The following MGAM variants were observed in gnomAD, a reference collection of about 807,000 sequenced individuals.
MGAM encodes the protein maltase-glucoamylase.
Under a neutral mutation model 358.8 loss-of-function variants are expected in MGAM, and 253 were observed. The observed-to-expected ratio is 0.71, with a 90% CI of 0.64 to 0.78. The LOEUF is 0.78. Among genes scored for constraint, MGAM ranks in the 30% least tolerant of loss-of-function variants. The probability of loss-of-function intolerance (pLI) is 0.00; values close to 1 mark genes in which losing one functional copy is unlikely to be tolerated. For synonymous variants in MGAM, 1,105 were observed against 1,227.1 expected (o/e 0.90, Z 2.08); for missense variants, 3,080 against 3,432.6 (o/e 0.90, Z 2.57).
intron 44 of MGAM, among the ~76,000 whole-genome samples, chr7:142,073,211 G>T (rs1813481595): frequency 6.8e-6 from 1 of 146,094 alleles, no homozygotes; most frequent in African/African-American, 2.4e-5. Context: ...CAGGTCAGGG[G>T]TTGTGATTTA....
chr7:142,094,943 T>A, intron 63 of MGAM, 80 bp downstream of exon 63: 2 of 1,421,808 alleles, frequency 1.4e-6, no homozygotes, highest in Non-Finnish European at 1.9e-6. Context: ...GCAGTCTGTA[T>A]TTCCTGTGAT....
intron 1 of MGAM, 64 bp downstream of exon 1, chr7:141,995,994 T>A (rs1804196460): frequency 6.6e-6 from 1 of 152,158 alleles, no homozygotes; most frequent in South Asian, 2.1e-4. Context: ...GTGTGTGAAT[T>A]TGAGTTGATC....
chr7:142,009,690 C>T (rs1805452303), intron 3 of MGAM, among the ~76,000 whole-genome samples: 1 of 152,142 alleles, frequency 6.6e-6, no homozygotes, highest in African/African-American at 2.4e-5. Flanking sequence ...TGAATTACTC[C>T]ACGGCCTTGG....
At chr7:142,040,957 C>G (rs193206215) in intron 21 of MGAM, 111 bp downstream of exon 21, 40 of 1,319,010 alleles carry the variant, frequency 3.0e-5, no homozygotes, top group African/African-American at 6.1e-5. Flanking sequence ...GGTTTGGCCA[C>G]GACTGTTGCA....
chr7:142,076,155 T>C lies in MGAM; in HGVS notation c.5276-48T>C. On this transcript the variant is annotated intron_variant, in intron 45 of 70. Coordinates refer to ENST00000475668, the MANE Select transcript of MGAM (RefSeq NM_001365693.1). ...AGAGTGGGAGTGTGAAATCTGTTCT[T>C]CTGTGGTGGGCAAGCCGGAGTCTGA... 5.7e-6 allele frequency: 8 copies of C among 1,404,638 alleles called. 1 individual carries two copies. The highest frequency in any genetic ancestry group is 7.0e-6 in the Non-Finnish European group (7 of 996,508). 87.0% of individuals were successfully genotyped at this position (1,404,638 alleles called of 1,614,324 possible). A position where few individuals can be genotyped will look rare whatever the true frequency, so the allele number is the denominator to read the frequency against.
intron 20 of MGAM, 121 bp from the exon 21 acceptor site, chr7:142,040,601 G>C: frequency 7.7e-7 from 1 of 1,294,542 alleles, no homozygotes; most frequent in Non-Finnish European, 1.1e-6. Context: ...TGATTGCCTG[G>C]CTAGACCATA....
chr7:142,046,481 C>T (rs987157275), intron 21 of MGAM, among the ~76,000 whole-genome samples: 1 of 152,036 alleles, frequency 6.6e-6, no homozygotes, highest in Non-Finnish European at 1.5e-5. Flanking sequence ...TAGCTTCCTT[C>T]AAGGATCTCA....
intron 6 of MGAM, 113 bp from the exon 7 acceptor site, chr7:142,022,155 C>A: frequency 1.0e-6 from 1 of 1,000,092 alleles, no homozygotes; most frequent in Non-Finnish European, 1.5e-6. Flanking sequence ...GCAAATGGGA[C>A]TGAATGAATG....
intron 8 of MGAM, among the ~76,000 whole-genome samples, chr7:142,026,110 A>T (rs539968256): frequency 1.3e-5 from 2 of 152,334 alleles, no homozygotes; most frequent in African/African-American, 4.8e-5. Flanking sequence ...GAGGCATTTT[A>T]TTCCTAGATA....
chr7:142,105,865 T>G lies in MGAM; in HGVS notation c.8236T>G (p.Ser2746Ala). ...AAACATCAGCCTACATAATTTTACTTCATTGACGTGGATAAGCACTCTGTG... is the reference window on the plus strand; with the variant it reads ...AAACATCAGCCTACATAATTTTACTGCATTGACGTGGATAAGCACTCTGTG... ...DRNISLHNFT[S>A]LTWISTL is the part of the protein sequence containing the mutation. The change falls in exon 71 of 71, where the codon TCA (serine) becomes GCA (alanine). Residue 2746 changes from serine (S) to alanine (A), a missense_variant. This residue lies in a region of MGAM where 194 missense variants were observed against 172.8 expected (regional missense o/e 1.12). Coordinates refer to ENST00000475668, the MANE Select transcript of MGAM (RefSeq NM_001365693.1). The G allele has an allele frequency of 6.2e-7, 1 of 1,613,118 alleles. No individual in the cohort carries two copies. The highest frequency in any genetic ancestry group is 1.1e-5 in the South Asian group (1 of 91,046).
chr7:142,082,931 G>A (rs10275642), intron 52 of MGAM, among the ~76,000 whole-genome samples: 28,579 of 145,446 alleles, frequency 0.2, 7,316 homozygotes, highest in African/African-American at 0.53. Context: ...ATGTTGAAAA[G>A]TTACCTATCG....
intron 45 of MGAM, 72 bp downstream of exon 45, chr7:142,074,245 G>A: frequency 9.3e-7 from 1 of 1,079,150 alleles, no homozygotes; most frequent in Admixed American, 2.1e-5. Context: ...ACTCCTGCTG[G>A]TCATTCAGCT....
intron 4 of MGAM, among the ~76,000 whole-genome samples, chr7:142,020,586 A>AATATATAT (rs201449305): frequency 7.1e-6 from 1 of 141,488 alleles, no homozygotes; most frequent in African/African-American, 2.7e-5. Context: ...CATGTATCCT[A>AATATATAT]ATATATATAT....
chr7:142,017,207 G>A (rs2128992089), intron 3 of MGAM, among the ~76,000 whole-genome samples: 1 of 151,974 alleles, frequency 6.6e-6, no homozygotes, highest in South Asian at 2.1e-4. Context: ...CTTCAGTACT[G>A]TTTTGGTAGT....
upstream of MGAM, among the ~76,000 whole-genome samples, chr7:141,991,714 C>A (rs10263383): frequency 2.8e-4 from 42 of 152,170 alleles, no homozygotes; most frequent in African/African-American, 9.9e-4. Flanking sequence ...GGATTACAGG[C>A]GTGAGCCACC....
At chr7:142,076,546 A>G (rs1181094265) in intron 46 of MGAM, 113 bp from the exon 47 acceptor site, 1 of 1,011,426 alleles carries the variant, frequency 9.9e-7, no homozygotes, top group African/African-American at 1.5e-5. Flanking sequence ...GAAAGCAGAG[A>G]GGCATTCATG....
chr7:142,076,226 C>A lies in MGAM; in HGVS notation c.5299C>A (p.Leu1767Ile). Reference protein sequence around the residue: ...TKDTVAKKVYLLCEFSVTQNH... With the variant: ...TKDTVAKKVYILCEFSVTQNH... Reference sequence around the variant, plus strand: ...AGATACTGTGGCCAAGAAAGTATATCTTTTATGTGAGTTTTCTGTCACTCA... The same window carrying A: ...AGATACTGTGGCCAAGAAAGTATATATTTTATGTGAGTTTTCTGTCACTCA... The change falls in exon 46 of 71, where the codon CTT becomes ATT. Residue 1767 changes from leucine to isoleucine, a missense_variant. Around this residue, in one of 5 missense-constraint regions of MGAM, gnomAD observed 932 missense variants for 1,198.2 expected, o/e 0.78. Transcript: ENST00000475668. The A allele has an allele frequency of 6.5e-7, 1 of 1,547,592 alleles. No homozygotes were observed. The highest frequency in any genetic ancestry group is 2.3e-5 in the East Asian group (1 of 43,926).
rs1210228569 is a variant in MGAM at position 142,079,045 on chromosome 7, C to A, written c.5847+37C>A. ...ACATATATCAGGCAGTGATAAGACCCTTTTCAGTTCCATTATCTTTTTCTG... is the reference window on the plus strand; with the variant it reads ...ACATATATCAGGCAGTGATAAGACCATTTTCAGTTCCATTATCTTTTTCTG... On this transcript the variant is annotated intron_variant, in intron 49 of 70. Coordinates refer to ENST00000475668, the MANE Select transcript of MGAM (RefSeq NM_001365693.1). 24 of 1,470,388 alleles carry A rather than the reference C, an allele frequency of 1.6e-5. 2 individuals are homozygous for A. The highest frequency in any genetic ancestry group is 1.9e-5 in the Non-Finnish European group (20 of 1,062,416). 91.1% of individuals were successfully genotyped at this position (1,470,388 alleles called of 1,614,324 possible).
intron 57 of MGAM, among the ~76,000 whole-genome samples, chr7:142,088,029 G>C (rs1044634323): frequency 1.4e-5 from 2 of 146,306 alleles, no homozygotes; most frequent in African/African-American, 4.9e-5. Context: ...CAGGGCAAGT[G>C]GTGAGTCCTA....
Sources: gnomAD v4.1 joint callset for allele counts (sites outside exome capture counted in the v4.1 genomes callset) on GRCh38, gnomAD v4.1.1 for gene constraint, gnomAD v4.1.1 regional missense constraint, MANE v1.5 for transcripts, NCBI Gene and HGNC (gene_info 2026-07-23, HGNC 2026-07-21) for gene names.